Variants in SCIN observed in about 807,000 individuals in gnomAD.
SCIN encodes the protein adseverin.
Under a neutral mutation model 91.8 loss-of-function variants are expected in SCIN, and 91 were observed. The observed-to-expected ratio is 0.99, with a 90% CI of 0.84 to 1.18. The LOEUF is 1.18. SCIN is among the 50% of genes most tolerant of loss of function. The probability of loss-of-function intolerance (pLI) is 0.00; values close to 1 mark genes in which losing one functional copy is unlikely to be tolerated. For synonymous variants in SCIN, 367 were observed against 312.6 expected (o/e 1.17, Z -1.84); for missense variants, 1,087 against 863.9 (o/e 1.26, Z -3.24).
chr7:12,608,242 T>A (rs1783118654), intron 4 of SCIN, among the ~76,000 whole-genome samples: 1 of 152,044 alleles, frequency 6.6e-6, no homozygotes, highest in Admixed American at 6.6e-5. Context: ...TTTTATGCAT[T>A]TAGCAAATAT....
At chr7:12,618,296 G>A (rs562742127) in intron 4 of SCIN, among the ~76,000 whole-genome samples, 101 of 152,126 alleles carry the variant, frequency 6.6e-4, no homozygotes, top group Admixed American at 1.2e-3. Flanking sequence ...GCAAAGATGT[G>A]GAATATTTCA....
chr7:12,583,545 G>A (rs74399814), intron 3 of SCIN, among the ~76,000 whole-genome samples: 1,905 of 152,248 alleles, frequency 0.013, 18 homozygotes, highest in Non-Finnish European at 0.02. Flanking sequence ...GTATGGCCTG[G>A]TAATAGAATG....
Position 12,644,277 on chromosome 7 carries a change from A to G in SCIN, c.1721A>G (p.Lys574Arg). 6.3e-7 allele frequency: 1 copy of G among 1,598,386 alleles called. No homozygotes were observed. The highest frequency in any genetic ancestry group is 1.1e-5 in the South Asian group (1 of 88,290). The part of the protein sequence containing the change: ...KGAEYVASVL[K>R]CKTLRIQEGE... ...GCAGAGTATGTAGCAAGTGTCCTAA[A>G]GTGCAAAACCTTAAGGATCCAAGAA... Residue 574 changes from lysine (K) to arginine (R), a missense_variant, in exon 12 of 16, where the codon AAG becomes AGG. Coordinates refer to ENST00000297029, the MANE Select transcript of SCIN (RefSeq NM_001112706.3).
chr7:12,622,147 C>G (rs986543828), intron 4 of SCIN, among the ~76,000 whole-genome samples: 2 of 152,018 alleles, frequency 1.3e-5, no homozygotes, highest in African/African-American at 2.4e-5. Flanking sequence ...AAAGCAGATT[C>G]AAATGTATTT....
intron 5 of SCIN, among the ~76,000 whole-genome samples, chr7:12,623,897 C>G (rs528736873): frequency 5.7e-4 from 87 of 152,150 alleles, no homozygotes; most frequent in Middle Eastern, 3.4e-3. Flanking sequence ...ATGAGCCATA[C>G]AGAAAGTGTT....
intron 11 of SCIN, among the ~76,000 whole-genome samples, chr7:12,643,544 A>G (rs182471902): frequency 1.2e-3 from 183 of 152,282 alleles, no homozygotes; most frequent in Non-Finnish European, 2.3e-3. Context: ...ATTCCTGGAC[A>G]TTCCTTTAAA....
At chr7:12,582,863 A>G (rs531359908) in intron 3 of SCIN, among the ~76,000 whole-genome samples, 1 of 152,318 alleles carries the variant, frequency 6.6e-6, no homozygotes, top group African/African-American at 2.4e-5. Context: ...CTTATGCACA[A>G]TAATTTTCTA....
At chr7:12,597,488 T>C (rs1258658260) in intron 3 of SCIN, among the ~76,000 whole-genome samples, 2 of 152,226 alleles carry the variant, frequency 1.3e-5, no homozygotes, top group African/African-American at 4.8e-5. Context: ...ATAGGCTGTT[T>C]TGGGTGCTCC....
intron 9 of SCIN, among the ~76,000 whole-genome samples, chr7:12,630,395 A>T (rs1011738233): frequency 6.6e-6 from 1 of 152,234 alleles, no homozygotes; most frequent in African/African-American, 2.4e-5. Flanking sequence ...TGCTTCAGGC[A>T]GTGGTTTAGA....
At chr7:12,622,277 C>G (rs1045549426) in intron 4 of SCIN, among the ~76,000 whole-genome samples, 1 of 151,994 alleles carries the variant, frequency 6.6e-6, no homozygotes, top group African/African-American at 2.4e-5. Context: ...AAGAACTGTT[C>G]CAAGTGCCAA....
intron 4 of SCIN, among the ~76,000 whole-genome samples, chr7:12,620,883 C>T (rs554747141): frequency 1.3e-5 from 2 of 152,214 alleles, no homozygotes; most frequent in African/African-American, 4.8e-5. Flanking sequence ...CAAGATACAT[C>T]TTGGCTAGAA....
Position 12,636,637 on chromosome 7 carries a change from C to T in SCIN, c.1410+502C>T, listed in dbSNP as rs146635315. Among the ~76,000 whole-genome samples, 432 of 152,168 alleles carry T rather than the reference C, an allele frequency of 2.8e-3. 1 individual carries two copies. The highest frequency in any genetic ancestry group is 9.8e-3 in the African/African-American group (408 of 41,512). On this transcript the variant is annotated intron_variant, in intron 10 of 15. Coordinates refer to ENST00000297029, the MANE Select transcript of SCIN (RefSeq NM_001112706.3). Reference sequence around the variant, plus strand: ...ATCTGGGATTACTGGGTGGGCCTAGCGTAATCACCAGGGTCCTTGTAAGTA... The same window carrying T: ...ATCTGGGATTACTGGGTGGGCCTAGTGTAATCACCAGGGTCCTTGTAAGTA...
intron 2 of SCIN, among the ~76,000 whole-genome samples, chr7:12,578,980 C>T (rs1441798320): frequency 7.0e-6 from 1 of 142,364 alleles, no homozygotes; most frequent in Non-Finnish European, 1.5e-5. Context: ...TCCTGCCACT[C>T]ACCCCTCCAC....
chr7:12,591,881 G>A (rs1782731135), intron 3 of SCIN, among the ~76,000 whole-genome samples: 3 of 152,134 alleles, frequency 2.0e-5, no homozygotes, highest in Admixed American at 1.3e-4. Context: ...GGCCTTGGAG[G>A]GGGAGACCCT....
chr7:12,639,813 G>A (rs912154477), intron 10 of SCIN, among the ~76,000 whole-genome samples: 20 of 152,088 alleles, frequency 1.3e-4, no homozygotes, highest in Non-Finnish European at 2.6e-4. Flanking sequence ...GTGTGTGTGT[G>A]TAATTTTTTT....
chr7:12,625,882 A>G, intron 7 of SCIN, 32 bp downstream of exon 7: 1 of 1,496,942 alleles, frequency 6.7e-7, no homozygotes, highest in Non-Finnish European at 9.2e-7. Context: ...CTAGAAAAAA[A>G]TAGAAAACAT....
chr7:12,571,258 A>G (rs1782264278), intron 1 of SCIN: 1 of 491,370 alleles, frequency 2.0e-6, no homozygotes, highest in African/African-American at 1.9e-5. Context: ...GGAGCTGGTG[A>G]CTGGCTTCTT....
In SCIN at chr7:12,655,412, A is replaced by G. The variant is rs557323901; in HGVS notation, c.*2697A>G. ...CTTTCACTGAAAAGAAACTCTTACA[A>G]ATCAATGAGTCAACAACCCAATGGA... On this transcript the variant is annotated 3_prime_UTR_variant, in exon 16 of 16. Coordinates refer to ENST00000297029, the MANE Select transcript of SCIN (RefSeq NM_001112706.3). The G allele has an allele frequency of 6.6e-6, 1 of 152,306 alleles. No individual in the cohort carries two copies. Among genetic ancestry groups the G allele is most frequent in the South Asian group, 2.1e-4 (1 of 4,822 alleles). The allele number at this position is 152,306 out of a possible 1,614,324, so 9.4% of individuals were successfully genotyped here.
At chr7:12,598,636 TA>T (rs1782890930) in intron 3 of SCIN, among the ~76,000 whole-genome samples, 1 of 152,326 alleles carries the variant, frequency 6.6e-6, no homozygotes, top group East Asian at 1.9e-4. Context: ...CTCATGCCTG[TA>T]ACCCCAGCAC....
Sources: allele counts gnomAD v4.1 joint callset (sites outside exome capture counted in the v4.1 genomes callset), GRCh38; gene constraint gnomAD v4.1.1; transcripts MANE v1.5; gene names NCBI Gene and HGNC (gene_info 2026-07-23, HGNC 2026-07-21).